CEP63: variants seen among roughly 807,000 people sequenced by gnomAD.
CEP63 encodes the protein centrosomal protein of 63 kDa.
A neutral mutation model predicts 89.1 loss-of-function variants in CEP63; 84 were observed. The observed-to-expected ratio is 0.94, with a 90% CI of 0.79 to 1.13. CEP63 has a LOEUF of 1.13. CEP63 is among the 50% of genes most tolerant of loss of function. The pLI is 0.00. For missense variants in CEP63, 838 were observed against 813.3 expected (o/e 1.03, Z -0.37); for synonymous variants, 267 against 272.5 (o/e 0.98, Z 0.20).
At chr3:134,488,615 CA>C (rs918533167) in intron 1 of CEP63, among the ~76,000 whole-genome samples, 1 of 151,312 alleles carries the variant, frequency 6.6e-6, no homozygotes, top group East Asian at 2.0e-4. Flanking sequence ...TCTCAAAAAA[CA>C]AAAAAAAGTG....
chr3:134,514,353 A>G (rs936344137), intron 3 of CEP63, among the ~76,000 whole-genome samples: 3 of 152,188 alleles, frequency 2.0e-5, no homozygotes, highest in Admixed American at 6.5e-5. Context: ...AAAGTCTAAT[A>G]TAAGTGTTTT....
At chr3:134,627,973 G>A in the CEP63 span, 1 of 635,948 alleles carries the variant, frequency 1.6e-6, no homozygotes, top group Non-Finnish European at 2.8e-6. Flanking sequence ...CCACTGAATT[G>A]CTGCTTGAAT....
intron 11 of CEP63, among the ~76,000 whole-genome samples, chr3:134,574,449 T>C (rs7630874): frequency 0.32 from 48,216 of 152,098 alleles, 7,917 homozygotes; most frequent in African/African-American, 0.35. Flanking sequence ...CAGACAATTA[T>C]GTCTGTCTGC....
chr3:134,734,864 G>A, the CEP63 span, among the ~76,000 whole-genome samples: 5 of 152,078 alleles, frequency 3.3e-5, no homozygotes, highest in East Asian at 9.6e-4. Context: ...ACATTCATTC[G>A]TCATTGTCCT....
chr3:134,712,683 C>T, the CEP63 span, among the ~76,000 whole-genome samples: 10 of 152,210 alleles, frequency 6.6e-5, no homozygotes, highest in East Asian at 5.8e-4. Flanking sequence ...TTTGCCACTC[C>T]GGAGATCCTT....
At chr3:134,587,139 T>C (rs1182863019) in intron 10 of CEP63, among the ~76,000 whole-genome samples, 2 of 152,210 alleles carry the variant, frequency 1.3e-5, no homozygotes, top group African/African-American at 4.8e-5. Flanking sequence ...GGTTAGAACA[T>C]GCTTCGTTCG....
In CEP63 at chr3:134,537,228, C is replaced by T; in HGVS notation, c.515C>T (p.Ala172Val). 1 of 1,613,436 alleles carries T rather than the reference C, an allele frequency of 6.2e-7. No homozygotes were observed. Among genetic ancestry groups the T allele is most frequent in the Non-Finnish European group, 8.5e-7 (1 of 1,179,418 alleles). Residue 172 changes from alanine to valine, a missense_variant, in exon 6 of 15, where the codon GCA (alanine) becomes GTA (valine). Ala to Val is a moderately conservative substitution (Grantham distance 64). Coordinates refer to ENST00000675561, the MANE Select transcript of CEP63 (RefSeq NM_001353108.3). ...CAGCAACAGGTATCTTCACTGGAGG[C>T]ACAAAGGAAGGCTCTGGCTGAACAA... Reference protein sequence around the residue: ...IYQQQVSSLEAQRKALAEQSE... With the variant: ...IYQQQVSSLEVQRKALAEQSE...
chr3:134,615,337 T>C, the CEP63 span: 5 of 136,578 alleles, frequency 3.7e-5, no homozygotes, highest in South Asian at 1.2e-3. Flanking sequence ...TCCTGATGCA[T>C]AGTTCAAGAA....
downstream of CEP63, among the ~76,000 whole-genome samples, chr3:134,592,467 CTGGTG>C (rs2107691212): frequency 1.6e-5 from 1 of 64,016 alleles, no homozygotes; most frequent in South Asian, 5.3e-4. Context: ...CATCTGCAAA[CTGGTG>C]TGTGTGTGTG....
At chr3:134,587,356 G>A (rs1015964640) in intron 10 of CEP63, among the ~76,000 whole-genome samples, 3 of 152,092 alleles carry the variant, frequency 2.0e-5, no homozygotes, top group Non-Finnish European at 4.4e-5. Context: ...CTTTGATGTT[G>A]GTGACCTACA....
the CEP63 span, among the ~76,000 whole-genome samples, chr3:134,674,689 G>GA: frequency 6.6e-6 from 1 of 152,048 alleles, no homozygotes; most frequent in African/African-American, 2.4e-5. Context: ...AGGAATCCAT[G>GA]AAAAATCATT....
chr3:134,665,094 G>T, the CEP63 span, among the ~76,000 whole-genome samples: 5 of 152,182 alleles, frequency 3.3e-5, no homozygotes, highest in Middle Eastern at 3.2e-3. Context: ...CACCCTGTAG[G>T]TCTGGGAGAA....
the CEP63 span, among the ~76,000 whole-genome samples, chr3:134,663,434 C>T: frequency 1.3e-5 from 2 of 152,102 alleles, no homozygotes; most frequent in African/African-American, 4.8e-5. Flanking sequence ...TGCTGCAGAG[C>T]CTGTGGAGTA....
chr3:134,582,669 T>G (rs1958389570), intron 10 of CEP63, among the ~76,000 whole-genome samples: 1 of 152,218 alleles, frequency 6.6e-6, no homozygotes, highest in South Asian at 2.1e-4. Flanking sequence ...AGTAGCATGA[T>G]TTATAATCCT....
At chr3:134,613,607 G>A in the CEP63 span, among the ~76,000 whole-genome samples, 1 of 152,232 alleles carries the variant, frequency 6.6e-6, no homozygotes, top group Non-Finnish European at 1.5e-5. Flanking sequence ...TTCTCTGACA[G>A]GCTGAGGAGA....
chr3:134,693,909 C>T, the CEP63 span, among the ~76,000 whole-genome samples: 11 of 152,162 alleles, frequency 7.2e-5, no homozygotes, highest in Admixed American at 7.2e-4. Context: ...GAGAAGCAGC[C>T]CCTATGTGTT....
intron 6 of CEP63, among the ~76,000 whole-genome samples, chr3:134,541,973 G>C (rs1487654632): frequency 6.6e-6 from 1 of 152,054 alleles, no homozygotes; most frequent in Non-Finnish European, 1.5e-5. Context: ...CTAAAACTAA[G>C]GTCATTTCTG....
the CEP63 span, among the ~76,000 whole-genome samples, chr3:134,724,350 A>G: frequency 6.6e-6 from 1 of 152,128 alleles, no homozygotes; most frequent in Non-Finnish European, 1.5e-5. Context: ...AGGGGGTTTG[A>G]GTTGGGATGT....
the CEP63 span, among the ~76,000 whole-genome samples, chr3:134,637,755 C>T: frequency 1.3e-5 from 2 of 152,208 alleles, no homozygotes; most frequent in Admixed American, 6.5e-5. Flanking sequence ...TGCCATCCTG[C>T]GTTACATGCC....
Sources: gnomAD v4.1 joint callset for allele counts (sites outside exome capture counted in the v4.1 genomes callset) on GRCh38, gnomAD v4.1.1 for gene constraint, MANE v1.5 for transcripts, NCBI Gene and HGNC (gene_info 2026-07-23, HGNC 2026-07-21) for gene names.